Variants in ATF7IP observed in about 807,000 individuals in gnomAD.
ATF7IP encodes the protein activating transcription factor 7 interacting protein, also known as activating transcription factor 7-interacting protein 1.
A neutral mutation model predicts 106.4 loss-of-function variants in ATF7IP; 23 were observed. That is an observed-to-expected ratio of 0.22 (90% CI 0.16 to 0.31). ATF7IP has a LOEUF of 0.31. ATF7IP is among the 10% of genes least tolerant of loss of function. The pLI, the probability that ATF7IP is intolerant of heterozygous loss-of-function variation, is 1.00. For missense variants in ATF7IP, 1,334 were observed against 1,524.3 expected (o/e 0.88, Z 2.08); for synonymous variants, 542 against 539.0 (o/e 1.01, Z -0.08).
At chr12:14,453,027 T>C (rs1383604109) in intron 6 of ATF7IP, among the ~76,000 whole-genome samples, 1 of 152,214 alleles carries the variant, frequency 6.6e-6, no homozygotes, top group Non-Finnish European at 1.5e-5. Flanking sequence ...TAATATATTA[T>C]CTCACTCCTT....
At position 14,424,207 on chromosome 12, in the gene ATF7IP, A is replaced by C; in HGVS notation, c.292A>C (p.Asn98His). ...GGAAACACCCTGTATCCTAAGTGTT[A>C]ATGTAAAAAACAAGCAGGATGATGA... ...WKETPCILSV[N>H]VKNKQDDDLN... is the part of the protein sequence containing the mutation. The change falls in exon 2 of 15, where the codon AAT becomes CAT. Residue 98 changes from asparagine (N) to histidine (H), a missense_variant. By Grantham distance (68) the Asn-to-His change is moderately conservative (BLOSUM62 1). Coordinates refer to ENST00000261168, the MANE Select transcript of ATF7IP (RefSeq NM_018179.5). The C allele has an allele frequency of 1.9e-6, 3 of 1,614,182 alleles. No individual in the cohort carries two copies. The highest frequency in any genetic ancestry group is 2.5e-6 in the Non-Finnish European group (3 of 1,180,024).
chr12:14,436,019 AAAT>A, intron 3 of ATF7IP, 84 bp from the exon 4 acceptor site: 1 of 1,344,786 alleles, frequency 7.4e-7, no homozygotes, highest in Non-Finnish European at 1.0e-6. Flanking sequence ...ATTATGATAG[AAAT>A]AATATTTTGC....
chr12:14,460,546 A>C lies in ATF7IP; in HGVS notation c.2210A>C (p.Lys737Thr). The C allele has an allele frequency of 6.2e-7, 1 of 1,614,138 alleles. No individual in the cohort carries two copies. Among genetic ancestry groups the C allele is most frequent in the South Asian group, 1.1e-5 (1 of 91,078 alleles). The change falls in exon 9 of 15, where the codon AAA becomes ACA. Residue 737 changes from lysine to threonine, a missense_variant. Around this residue, in one of 10 missense-constraint regions of ATF7IP, gnomAD observed 171 missense variants for 172.6 expected, o/e 0.99. Coordinates refer to ENST00000261168, the MANE Select transcript of ATF7IP (RefSeq NM_018179.5). Reference protein sequence around the residue: ...TPPAVVSSQPKLQTPVTSGSL... With the variant: ...TPPAVVSSQPTLQTPVTSGSL... ...CCAGCAGTTGTCAGTAGTCAACCTA[A>C]ATTGCAGACTCCAGTGACTTCGGGT...
rs1160899291 is a variant in ATF7IP, at chr12:14,377,603, GCC to G, written c.-8+11778_-8+11779del. 3.3e-5 allele frequency among the ~76,000 whole-genome samples: 5 copies of G among 150,926 alleles called. No individual in the cohort carries two copies. In the East Asian group the frequency reaches 9.7e-4, roughly 29 times the overall value. On this transcript the variant is annotated intron_variant, in intron 1 of 14. Coordinates refer to ENST00000261168, the MANE Select transcript of ATF7IP (RefSeq NM_018179.5). Reference sequence around the variant, plus strand: ...ATCTCCTGACCTCGTGAGCCACCGCGCCCGGCCTTTCTTTCTTTCTTTTTTTT... The same window carrying G: ...ATCTCCTGACCTCGTGAGCCACCGCGCGGCCTTTCTTTCTTTCTTTTTTTT...
At chr12:14,456,130 C>T (rs527334526) in intron 6 of ATF7IP, among the ~76,000 whole-genome samples, 1 of 151,974 alleles carries the variant, frequency 6.6e-6, no homozygotes, top group East Asian at 1.9e-4. Flanking sequence ...CATTGGATAC[C>T]ACTTATTTGT....
chr12:14,436,225 G>A lies in ATF7IP; in HGVS notation c.1765G>A (p.Gly589Arg). ...ATTTCAAGTAAAGATTACAGCCAAAGGAGACATTAACCAGAAACTTCAAAA... is the reference window on the plus strand; with the variant it reads ...ATTTCAAGTAAAGATTACAGCCAAAAGAGACATTAACCAGAAACTTCAAAA... ...AEFQVKITAK[G>R]DINQKLQKVI... Residue 589 changes from glycine (G) to arginine (R), a missense_variant, in exon 4 of 15, where the codon GGA becomes AGA. Gly to Arg is a moderately radical substitution (Grantham distance 125, BLOSUM62 -2). This residue lies in a region of ATF7IP where 119 missense variants were observed against 117.8 expected (regional missense o/e 1.01). Coordinates refer to ENST00000261168, the MANE Select transcript of ATF7IP (RefSeq NM_018179.5). 6.2e-7 allele frequency: 1 copy of A among 1,613,184 alleles called. No homozygotes were observed. Among genetic ancestry groups the A allele is most frequent in the South Asian group, 1.1e-5 (1 of 91,006 alleles).
At chr12:14,488,591 C>G (rs574768860) in intron 13 of ATF7IP, among the ~76,000 whole-genome samples, 54 of 152,306 alleles carry the variant, frequency 3.5e-4, no homozygotes, top group African/African-American at 1.3e-3. Flanking sequence ...CAGACACACG[C>G]AGGATTAATA....
intron 13 of ATF7IP, 103 bp downstream of exon 13, chr12:14,481,288 T>C (rs981046948): frequency 4.4e-5 from 45 of 1,017,546 alleles, no homozygotes; most frequent in Non-Finnish European, 5.8e-5. Context: ...AAATTTCTTA[T>C]AATGTCATAT....
Position 14,475,920 on chromosome 12 carries a change from G to A in ATF7IP, c.2893G>A (p.Gly965Ser). The change falls in exon 11 of 15, where the codon GGT becomes AGT. Residue 965 changes from glycine (G) to serine (S), a missense_variant. By Grantham distance (56) the Gly-to-Ser change is moderately conservative. Around this residue, in one of 10 missense-constraint regions of ATF7IP, gnomAD observed 370 missense variants for 401.2 expected, o/e 0.92. Coordinates refer to ENST00000261168, the MANE Select transcript of ATF7IP (RefSeq NM_018179.5). ...AAAAGCCACTGGCAGTGATTCAAGT[G>A]GTGTCATTGATCTCACAATGGATGA... is the stretch of plus-strand genomic sequence containing the variant. ...CGKATGSDSS[G>S]VIDLTMDDEE... 1 of 1,613,624 alleles carries A rather than the reference G, an allele frequency of 6.2e-7. No individual in the cohort carries two copies. Among genetic ancestry groups the A allele is most frequent in the Non-Finnish European group, 8.5e-7 (1 of 1,179,834 alleles).
intron 9 of ATF7IP, 147 bp from the exon 10 acceptor site, chr12:14,466,379 T>C: frequency 6.0e-6 from 4 of 664,810 alleles, no homozygotes; most frequent in Non-Finnish European, 1.1e-5. Context: ...ACTATAGCAG[T>C]GGTCTGTGAA....
At chr12:14,421,046 T>C (rs1212150609) in intron 1 of ATF7IP, among the ~76,000 whole-genome samples, 1 of 152,344 alleles carries the variant, frequency 6.6e-6, no homozygotes, top group South Asian at 2.1e-4. Context: ...TTGTGCTCTT[T>C]TGTTTGCCTT....
At position 14,499,884 on chromosome 12, in the gene ATF7IP, A is replaced by T. The variant is rs1468737375; in HGVS notation, c.*1811A>T. The T allele has an allele frequency of 1.3e-5, 2 of 152,084 alleles. No homozygotes were observed. The highest frequency in any genetic ancestry group is 4.8e-5 in the African/African-American group (2 of 41,384). The allele number at this position is 152,084 out of a possible 1,614,324, so 9.4% of individuals were successfully genotyped here. On this transcript the variant is annotated 3_prime_UTR_variant, in exon 15 of 15. Transcript: ENST00000261168. ...TCATTTTATGTAACAATTAGATATA[A>T]CCTCCTGTGTATCTCTCTGTTCCTC...
intron 1 of ATF7IP, among the ~76,000 whole-genome samples, chr12:14,383,128 TG>T (rs1319538884): frequency 6.6e-6 from 1 of 152,214 alleles, no homozygotes; most frequent in Non-Finnish European, 1.5e-5. Context: ...AAGTGTTGTC[TG>T]GGTTGTATTT....
At chr12:14,390,981 TA>T (rs1939516293) in intron 1 of ATF7IP, among the ~76,000 whole-genome samples, 1 of 152,232 alleles carries the variant, frequency 6.6e-6, no homozygotes, top group Non-Finnish European at 1.5e-5. Flanking sequence ...GTTTTCTAGT[TA>T]GAGTTCAACT....
chr12:14,446,837 T>A (rs1942982738), intron 5 of ATF7IP, 151 bp from the exon 6 acceptor site: 1 of 554,832 alleles, frequency 1.8e-6, no homozygotes, highest in African/African-American at 2.0e-5. Context: ...AAGTATATAG[T>A]TTATAATCAA....
chr12:14,413,818 G>A (rs1404034424), intron 1 of ATF7IP, among the ~76,000 whole-genome samples: 1 of 152,054 alleles, frequency 6.6e-6, no homozygotes, highest in African/African-American at 2.4e-5. Context: ...ATAAGGCATG[G>A]TTGGGAATAA....
At chr12:14,463,999 A>T (rs1041551471) in intron 9 of ATF7IP, among the ~76,000 whole-genome samples, 1 of 152,210 alleles carries the variant, frequency 6.6e-6, no homozygotes, top group Non-Finnish European at 1.5e-5. Context: ...TTCATTAAAC[A>T]TCTTGTTCTA....
chr12:14,490,147 T>C (rs114240536), intron 13 of ATF7IP, among the ~76,000 whole-genome samples: 9,866 of 152,276 alleles, frequency 0.065, 739 homozygotes, highest in African/African-American at 0.18. Context: ...CCTCCATTAC[T>C]GCCACCATGG....
At chr12:14,375,557 A>G (rs536651242) in intron 1 of ATF7IP, among the ~76,000 whole-genome samples, 1 of 152,328 alleles carries the variant, frequency 6.6e-6, no homozygotes, top group East Asian at 1.9e-4. Flanking sequence ...AAATGAAGAA[A>G]GAAAAGAAGA....
Sources: allele counts gnomAD v4.1 joint callset (sites outside exome capture counted in the v4.1 genomes callset), GRCh38; gene constraint gnomAD v4.1.1; regional missense constraint gnomAD v4.1.1; transcripts MANE v1.5; gene names NCBI Gene and HGNC (gene_info 2026-07-23, HGNC 2026-07-21).